KHDRBS2: variants seen among roughly 807,000 people sequenced by gnomAD.
KHDRBS2 encodes KH domain-containing, RNA-binding, signal transduction-associated protein 2.
Under a neutral mutation model 44.3 loss-of-function variants are expected in KHDRBS2, and 26 were observed. The observed-to-expected ratio is 0.59, with a 90% CI of 0.43 to 0.81. The LOEUF is 0.81. Ranked by LOEUF, KHDRBS2 falls within the 40% of genes least tolerant of loss-of-function variation. KHDRBS2 has a pLI of 0.00. For missense variants in KHDRBS2, 476 were observed against 433.1 expected (o/e 1.10, Z -0.88); for synonymous variants, 194 against 151.1 (o/e 1.28, Z -2.08).
chr6:61,544,363 G>C, the KHDRBS2 span, among the ~76,000 whole-genome samples: 2 of 152,018 alleles, frequency 1.3e-5, no homozygotes, highest in East Asian at 3.9e-4. Flanking sequence ...AGAGTCTTAT[G>C]GAACCGTTAA....
At chr6:61,628,760 G>A in the KHDRBS2 span, among the ~76,000 whole-genome samples, 5 of 152,222 alleles carry the variant, frequency 3.3e-5, no homozygotes, top group African/African-American at 1.2e-4. Flanking sequence ...GTGTTGTGTT[G>A]TATGTGGTTA....
chr6:61,761,024 T>C (rs886347929), intron 6 of KHDRBS2, among the ~76,000 whole-genome samples: 2 of 152,180 alleles, frequency 1.3e-5, no homozygotes, highest in African/African-American at 4.8e-5. Flanking sequence ...GTATTGAAAA[T>C]GAAATTTGCA....
At chr6:62,054,284 CTG>C (rs2127317331) in intron 2 of KHDRBS2, among the ~76,000 whole-genome samples, 1 of 152,110 alleles carries the variant, frequency 6.6e-6, no homozygotes, top group Non-Finnish European at 1.5e-5. Context: ...CATCATAAAC[CTG>C]TGTTAATTAT....
chr6:62,049,300 C>G (rs183864716), intron 2 of KHDRBS2, among the ~76,000 whole-genome samples: 4 of 151,260 alleles, frequency 2.6e-5, no homozygotes, highest in Non-Finnish European at 4.4e-5. Flanking sequence ...TGAAAAAGAA[C>G]AAAACAAAAC....
At chr6:62,146,681 T>C (rs1675045537) in intron 2 of KHDRBS2, among the ~76,000 whole-genome samples, 1 of 151,814 alleles carries the variant, frequency 6.6e-6, no homozygotes, top group East Asian at 1.9e-4. Flanking sequence ...CATATGCACA[T>C]AAACTCCATT....
chr6:62,008,025 C>A (rs1361593186), intron 3 of KHDRBS2, among the ~76,000 whole-genome samples: 1 of 151,920 alleles, frequency 6.6e-6, no homozygotes, highest in Non-Finnish European at 1.5e-5. Flanking sequence ...TAAAAAATGC[C>A]AAGCATTGAC....
At chr6:62,254,728 G>A (rs748202211) in intron 1 of KHDRBS2, among the ~76,000 whole-genome samples, 13 of 152,092 alleles carry the variant, frequency 8.5e-5, no homozygotes, top group Middle Eastern at 3.4e-3. Flanking sequence ...AGCCAGATGC[G>A]GGAGTAGAAT....
chr6:61,565,998 GGT>G, the KHDRBS2 span, among the ~76,000 whole-genome samples: 83,859 of 148,760 alleles, frequency 0.56, 23,882 homozygotes, highest in Non-Finnish European at 0.63. Flanking sequence ...AAGAAAATGT[GGT>G]GTGTGTGTGT....
intron 3 of KHDRBS2, among the ~76,000 whole-genome samples, chr6:62,044,032 A>G (rs1377384269): frequency 6.6e-6 from 1 of 152,132 alleles, no homozygotes; most frequent in Non-Finnish European, 1.5e-5. Flanking sequence ...ATAATATTGA[A>G]TCTATTCTTG....
intron 2 of KHDRBS2, among the ~76,000 whole-genome samples, chr6:62,142,869 T>C (rs1238380938): frequency 6.7e-6 from 1 of 148,990 alleles, no homozygotes; most frequent in East Asian, 1.9e-4. Context: ...AATAATATTA[T>C]ATATCATCAC....
chr6:62,061,677 T>C (rs1791944824), intron 2 of KHDRBS2, among the ~76,000 whole-genome samples: 2 of 151,278 alleles, frequency 1.3e-5, no homozygotes, highest in Non-Finnish European at 3.0e-5. Flanking sequence ...TTGAGGAGTA[T>C]CTTTGTGGCC....
At chr6:61,705,475 T>C (rs1169867045) in intron 7 of KHDRBS2, among the ~76,000 whole-genome samples, 3 of 151,902 alleles carry the variant, frequency 2.0e-5, no homozygotes, top group Non-Finnish European at 2.9e-5. Flanking sequence ...TTTTGAATGA[T>C]AGTATTAGCC....
intron 6 of KHDRBS2, among the ~76,000 whole-genome samples, chr6:61,773,167 G>A (rs553718107): frequency 1.6e-4 from 25 of 151,956 alleles, no homozygotes; most frequent in African/African-American, 5.5e-4. Flanking sequence ...GTAATGGGAT[G>A]GCTGGGTCAA....
chr6:61,573,919 G>A, the KHDRBS2 span, among the ~76,000 whole-genome samples: 6 of 149,056 alleles, frequency 4.0e-5, no homozygotes, highest in East Asian at 9.9e-4. Flanking sequence ...AAACAGAACA[G>A]TGCTGGTATT....
intron 2 of KHDRBS2, among the ~76,000 whole-genome samples, chr6:62,171,532 T>C (rs1820002351): frequency 6.6e-6 from 1 of 152,150 alleles, no homozygotes; most frequent in Non-Finnish European, 1.5e-5. Context: ...TCCGCAACAA[T>C]GTCCCCAACC....
chr6:61,545,089 T>A, the KHDRBS2 span, among the ~76,000 whole-genome samples: 295 of 151,974 alleles, frequency 1.9e-3, 2 homozygotes, highest in African/African-American at 6.2e-3. Flanking sequence ...ATAAAAAAAA[T>A]TTTAAAAAAA....
chr6:62,247,727 T>C (rs1222432482), intron 1 of KHDRBS2, among the ~76,000 whole-genome samples: 1 of 152,036 alleles, frequency 6.6e-6, no homozygotes, highest in African/African-American at 2.4e-5. Context: ...ATAAAACCTA[T>C]AAGCCTTTTG....
intron 6 of KHDRBS2, among the ~76,000 whole-genome samples, chr6:61,842,675 C>T (rs1259075778): frequency 1.3e-5 from 2 of 152,090 alleles, no homozygotes; most frequent in East Asian, 3.9e-4. Context: ...TTATGAAAAA[C>T]AATCAGGCAG....
At chr6:61,880,151 G>T (rs1216696856) in intron 6 of KHDRBS2, among the ~76,000 whole-genome samples, 1 of 151,784 alleles carries the variant, frequency 6.6e-6, no homozygotes, top group African/African-American at 2.4e-5. Context: ...GAGGTACTCC[G>T]AATGGAAAAG....
Sources: allele counts gnomAD v4.1 joint callset (sites outside exome capture counted in the v4.1 genomes callset), GRCh38; gene constraint gnomAD v4.1.1; transcripts MANE v1.5; gene names NCBI Gene and HGNC (gene_info 2026-07-23, HGNC 2026-07-21).